MAST1: variants seen among roughly 807,000 people sequenced by gnomAD.
MAST1 encodes the protein microtubule-associated serine/threonine-protein kinase 1.
MAST1 carries 40 observed loss-of-function variants against 124.6 expected under a neutral mutation model. The observed-to-expected ratio is 0.32, with a 90% CI of 0.25 to 0.42. The LOEUF (loss-of-function observed/expected upper bound fraction) is 0.42. Ranked by LOEUF, MAST1 falls within the 10% of genes least tolerant of loss-of-function variation. MAST1 has a pLI of 1.00. For missense variants in MAST1, 1,558 were observed against 2,181.9 expected, an observed-to-expected ratio of 0.71 and a Z score of 5.70; for synonymous variants, 938 against 939.4, an observed-to-expected ratio of 1.00 and a Z score of 0.03.
At chr19:12,864,679 C>A (rs1970128156) in intron 12 of MAST1, 130 bp from the exon 13 acceptor site, 2 of 1,208,866 alleles carry the variant, frequency 1.7e-6, no homozygotes. Flanking sequence ...GGGAGGGAGG[C>A]CCCTCTCAGA....
Position 12,874,534 on chromosome 19 carries a change from G to T in MAST1, c.4377G>T (p.Gly1459=). 6.6e-7 allele frequency: 1 copy of T among 1,522,904 alleles called. No homozygotes were observed. The highest frequency in any genetic ancestry group is 8.8e-7 in the Non-Finnish European group (1 of 1,139,694). 94.3% of individuals were successfully genotyped at this position (1,522,904 alleles called of 1,614,324 possible). Residue 1459 remains glycine (G), a synonymous_variant, in exon 26 of 26, where the codon GGG becomes GGT. Coordinates refer to ENST00000251472, the MANE Select transcript of MAST1 (RefSeq NM_014975.3). This position sits in a 1 kb window ranked among gnomAD's most constrained non-coding sequence, Gnocchi z 6.6. ...AGCCTCTGGGCGCGGACTCCAAGGG[G>T]TTGCAGGAACCCGCACCCCTGGCGC... ...VPQPLGADSK[G]LQEPAPLAPS...
chr19:12,867,194 G>T lies in MAST1; in HGVS notation c.2140-280G>T, dbSNP rs1599589657. Among the ~76,000 whole-genome samples the T allele has an allele frequency of 2.0e-5, 3 of 152,352 alleles. No individual in the cohort carries two copies. The Middle Eastern group carries it at 0.01, about 518-fold the overall frequency. ...GCGTGCAGGGCCTAGCCTGGGCTAAGGAGACATAAATTAAGGGGGTTGCTG... is the reference window on the plus strand; with the variant it reads ...GCGTGCAGGGCCTAGCCTGGGCTAATGAGACATAAATTAAGGGGGTTGCTG... On this transcript the variant is annotated intron_variant, in intron 18 of 25. Coordinates refer to ENST00000251472, the MANE Select transcript of MAST1 (RefSeq NM_014975.3).
At chr19:12,872,878 C>G (rs1038441207) in intron 24 of MAST1, 1 of 164,536 alleles carries the variant, frequency 6.1e-6, no homozygotes, top group African/African-American at 2.4e-5. Flanking sequence ...GCACTCCAGC[C>G]TGGGCGACAA....
At chr19:12,859,370 G>GT (rs1970052972) in intron 12 of MAST1, among the ~76,000 whole-genome samples, 1 of 152,122 alleles carries the variant, frequency 6.6e-6, no homozygotes, top group African/African-American at 2.4e-5. Flanking sequence ...ATGAGCCACT[G>GT]TGCCAGGCCT....
Position 12,866,813 on chromosome 19 carries a change from C to A in MAST1, c.2139+51C>A. 1 of 1,441,764 alleles carries A rather than the reference C, an allele frequency of 6.9e-7. No homozygotes were observed. The highest frequency in any genetic ancestry group is 9.6e-7 in the Non-Finnish European group (1 of 1,036,870). 89.3% of individuals were successfully genotyped at this position (1,441,764 alleles called of 1,614,324 possible). A position where few individuals can be genotyped will look rare whatever the true frequency, so the allele number is the denominator to read the frequency against. On this transcript the variant is annotated intron_variant, in intron 18 of 25. Coordinates refer to ENST00000251472, the MANE Select transcript of MAST1 (RefSeq NM_014975.3). This position sits in a 1 kb window ranked among gnomAD's most constrained non-coding sequence, Gnocchi z 5.2. Reference sequence around the variant, plus strand: ...GGGCGAGACCCCAGGAGGGATGGGGCTTGGAGAGACAGTGAGAAACAGGTT... The same window carrying A: ...GGGCGAGACCCCAGGAGGGATGGGGATTGGAGAGACAGTGAGAAACAGGTT...
rs778372059 is a variant in MAST1 at position 12,874,557 on chromosome 19, C to A, written c.4400C>A (p.Ala1467Glu). ...GGGTTGCAGGAACCCGCACCCCTGG[C>A]GCCTTCCGTGCCCGAGGCCCCCCGG... Reference protein sequence around the residue: ...SKGLQEPAPLAPSVPEAPRGR... With the variant: ...SKGLQEPAPLEPSVPEAPRGR... The change falls in exon 26 of 26, where the codon GCG becomes GAG. Residue 1467 changes from alanine to glutamate, a missense_variant. This residue lies in a region of MAST1 where 168 missense variants were observed against 154.3 expected (regional missense o/e 1.09). Transcript: ENST00000251472. This position sits in a 1 kb window ranked among gnomAD's most constrained non-coding sequence, Gnocchi z 6.6. 3.3e-6 allele frequency: 5 copies of A among 1,509,092 alleles called. No individual in the cohort carries two copies. The highest frequency in any genetic ancestry group is 4.4e-6 in the Non-Finnish European group (5 of 1,132,830). 93.5% of individuals were successfully genotyped at this position (1,509,092 alleles called of 1,614,324 possible).
chr19:12,865,948 ATC>A lies in MAST1; in HGVS notation c.1907-31_1907-30del. 1 of 1,612,692 alleles carries A rather than the reference ATC, an allele frequency of 6.2e-7. No homozygotes were observed. Among genetic ancestry groups the A allele is most frequent in the Middle Eastern group, 1.7e-4 (1 of 5,752 alleles). On this transcript the variant is annotated intron_variant, in intron 16 of 25. Coordinates refer to ENST00000251472, the MANE Select transcript of MAST1 (RefSeq NM_014975.3). The surrounding 1 kb of genome is among the most constrained non-coding windows in gnomAD (Gnocchi z 7.1). ...GCGGGGCTGGGCTGCTGGGTTGGCC[ATC>A]AGCTGTGGCTGGAATCCCTTCCGTC...
At chr19:12,862,680 C>CA (rs1241747562) in intron 12 of MAST1, among the ~76,000 whole-genome samples, 1 of 138,364 alleles carries the variant, frequency 7.2e-6, no homozygotes, top group East Asian at 2.2e-4. Context: ...TTTTTTGAGA[C>CA]AGAGTTTCGC....
In MAST1 at chr19:12,866,876, A is replaced by G. The variant is rs898876343; in HGVS notation, c.2139+114A>G. 1 of 861,604 alleles carries G rather than the reference A, an allele frequency of 1.2e-6. No individual in the cohort carries two copies. The highest frequency in any genetic ancestry group is 1.7e-5 in the African/African-American group (1 of 59,990). The allele number at this position is 861,604 out of a possible 1,614,324, so 53.4% of individuals were successfully genotyped here. A position where few individuals can be genotyped will look rare whatever the true frequency, so the allele number is the denominator to read the frequency against. ...AGGTCTCAGGAGCGGGAAGTTATTG[A>G]TGGGGCGGGAGTCTGGAAGGTGGTA... On this transcript the variant is annotated intron_variant, in intron 18 of 25. Transcript: ENST00000251472. The surrounding 1 kb of genome is among the most constrained non-coding windows in gnomAD (Gnocchi z 5.2).
At chr19:12,844,728 A>G (rs1969871772) in intron 4 of MAST1, among the ~76,000 whole-genome samples, 1 of 152,138 alleles carries the variant, frequency 6.6e-6, no homozygotes, top group South Asian at 2.1e-4. Context: ...GTGGGGCTGA[A>G]AATTTGGGAT....
At chr19:12,852,303 G>T in intron 9 of MAST1, 25 bp from the exon 10 acceptor site, 1 of 1,614,116 alleles carries the variant, frequency 6.2e-7, no homozygotes, top group African/African-American at 1.3e-5. Context: ...AACCCAGCTC[G>T]TGCTCACTCT....
At chr19:12,839,110 T>G (rs1969795921) in intron 1 of MAST1, among the ~76,000 whole-genome samples, 1 of 147,528 alleles carries the variant, frequency 6.8e-6, no homozygotes, top group African/African-American at 2.5e-5. Flanking sequence ...CTTCGGGAGC[T>G]GGATGCTGAG....
rs768563655 is a variant in MAST1 at position 12,864,810 on chromosome 19, C to T, written c.1368C>T (p.Gly456=). ...GCGGGCCCATTTCCTGGCCTGCAGG[C>T]GGCGACTGTGCCACCCTGCTGAAGA... ...HLCMVMEYVE[G]GDCATLLKNI... is the part of the protein sequence containing the mutation. The change falls in exon 13 of 26, where the codon GGC becomes GGT. Residue 456 remains glycine, a splice_region_variant and synonymous_variant. Transcript: ENST00000251472. The T allele has an allele frequency of 1.9e-6, 3 of 1,613,658 alleles. No homozygotes were observed. Among genetic ancestry groups the T allele is most frequent in the African/African-American group, 1.3e-5 (1 of 75,044 alleles).
chr19:12,863,956 G>C (rs1599587804), intron 12 of MAST1, among the ~76,000 whole-genome samples: 1 of 131,366 alleles, frequency 7.6e-6, no homozygotes, highest in African/African-American at 2.9e-5. Flanking sequence ...ACGGAGTCTT[G>C]CTCTGTCACC....
Position 12,865,670 on chromosome 19 carries a change from C to T in MAST1, c.1805-47C>T, listed in dbSNP as rs891471252. 1 of 703,950 alleles carries T rather than the reference C, an allele frequency of 1.4e-6. No homozygotes were observed. The highest frequency in any genetic ancestry group is 4.4e-5 in the Admixed American group (1 of 22,520). The allele number at this position is 703,950 out of a possible 1,614,324, so 43.6% of individuals were successfully genotyped here. On this transcript the variant is annotated intron_variant, in intron 15 of 25. Transcript: ENST00000251472. This position sits in a 1 kb window ranked among gnomAD's most constrained non-coding sequence, Gnocchi z 7.1. ...GACACAGTGAGATCCTGTGTCCAAACAACAACAACAACAAAAACCGCCCCT... is the reference window on the plus strand; with the variant it reads ...GACACAGTGAGATCCTGTGTCCAAATAACAACAACAACAAAAACCGCCCCT...
Position 12,874,734 on chromosome 19 carries a change from C to T in MAST1, c.4577C>T (p.Pro1526Leu). 1 of 1,600,858 alleles carries T rather than the reference C, an allele frequency of 6.2e-7. No homozygotes were observed. The highest frequency in any genetic ancestry group is 8.5e-7 in the Non-Finnish European group (1 of 1,170,126). The change falls in exon 26 of 26, where the codon CCA (proline) becomes CTA (leucine). Residue 1526 changes from proline to leucine, a missense_variant. Coordinates refer to ENST00000251472, the MANE Select transcript of MAST1 (RefSeq NM_014975.3). The surrounding 1 kb of genome is among the most constrained non-coding windows in gnomAD (Gnocchi z 6.6). ...AGTGCACCCAGCAGTGCAGTGACCC[C>T]AGTCCCACCCGCATCCCTCTTGGGC... ...KCSAPSSAVT[P>L]VPPASLLGSG...
Position 12,841,458 on chromosome 19 carries a change from G to A in MAST1, c.248+392G>A, listed in dbSNP as rs1375953226. ...CGAGGGACTCTTGGTCCCCGAGGTG[G>A]GGGAGGACGACTAGGGCTGTTTCTC... is the stretch of plus-strand genomic sequence containing the variant. On this transcript the variant is annotated intron_variant, in intron 3 of 25. Coordinates refer to ENST00000251472, the MANE Select transcript of MAST1 (RefSeq NM_014975.3). This position sits in a 1 kb window ranked among gnomAD's most constrained non-coding sequence, Gnocchi z 4.3. Among the ~76,000 whole-genome samples the A allele has an allele frequency of 1.3e-5, 2 of 152,240 alleles. No individual in the cohort carries two copies. Among genetic ancestry groups the A allele is most frequent in the Admixed American group, 6.5e-5 (1 of 15,286 alleles).
In MAST1 at chr19:12,870,899, C is replaced by T; in HGVS notation, c.3079C>T (p.Pro1027Ser). Residue 1027 changes from proline (P) to serine (S), a missense_variant, in exon 23 of 26, where the codon CCT becomes TCT. Coordinates refer to ENST00000251472, the MANE Select transcript of MAST1 (RefSeq NM_014975.3). ...CCTCATCACCCACGTGAATGGGGAG[C>T]CTGTGCATGGCATGGTGCATCCTGA... ...GDLITHVNGE[P>S]VHGMVHPEVV... The T allele has an allele frequency of 1.2e-6, 2 of 1,614,058 alleles. No homozygotes were observed. Among genetic ancestry groups the T allele is most frequent in the Non-Finnish European group, 1.7e-6 (2 of 1,180,018 alleles).
intron 12 of MAST1, among the ~76,000 whole-genome samples, chr19:12,859,826 C>CAA (rs60098806): frequency 5.4e-5 from 5 of 93,150 alleles, no homozygotes; most frequent in Non-Finnish European, 9.0e-5. Context: ...CCCTGTCCCG[C>CAA]AAAAAAAAAA....
Sources: gnomAD v4.1 joint callset for allele counts (sites outside exome capture counted in the v4.1 genomes callset) on GRCh38, gnomAD v4.1.1 for gene constraint, gnomAD v4.1.1 regional missense constraint, Gnocchi (gnomAD v3.1) non-coding constraint, MANE v1.5 for transcripts, NCBI Gene and HGNC (gene_info 2026-07-23, HGNC 2026-07-21) for gene names.